SYT1: variants seen among roughly 807,000 people sequenced by gnomAD.
SYT1 encodes the protein synaptotagmin 1.
In SYT1, 8 loss-of-function variants were observed where a neutral mutation model predicts 44.8. The observed-to-expected ratio is 0.18, with a 90% confidence interval of 0.10 to 0.32. SYT1 has a LOEUF of 0.32. Ranked by LOEUF, SYT1 falls within the 10% of genes least tolerant of loss-of-function variation. The pLI is 1.00. For missense variants in SYT1, 286 were observed against 509.3 expected (o/e 0.56, Z 4.22); for synonymous variants, 154 against 188.8 (o/e 0.82, Z 1.51).
At chr12:79,411,844 T>A (rs1868454270) in intron 9 of SYT1, among the ~76,000 whole-genome samples, 1 of 152,030 alleles carries the variant, frequency 6.6e-6, no homozygotes, top group Non-Finnish European at 1.5e-5. Flanking sequence ...ATTTTTAACC[T>A]CTTTTTTTTT....
At chr12:78,904,402 T>A (rs1875839998) in intron 1 of SYT1, among the ~76,000 whole-genome samples, 1 of 152,140 alleles carries the variant, frequency 6.6e-6, no homozygotes, top group Non-Finnish European at 1.5e-5. Context: ...AAGTATTCAA[T>A]GAGCACCTAC....
At chr12:79,005,813 C>G (rs531756481) in intron 2 of SYT1, among the ~76,000 whole-genome samples, 2 of 152,080 alleles carry the variant, frequency 1.3e-5, no homozygotes, top group Non-Finnish European at 2.9e-5. Context: ...AAGTTGAGAA[C>G]TGGTCCCATT....
chr12:79,254,320 A>T (rs1052201461), intron 4 of SYT1, among the ~76,000 whole-genome samples: 1 of 152,208 alleles, frequency 6.6e-6, no homozygotes, highest in African/African-American at 2.4e-5. Flanking sequence ...TATAAATGGA[A>T]CAACAAAGCT....
intron 8 of SYT1, among the ~76,000 whole-genome samples, chr12:79,344,464 T>A (rs1055505357): frequency 3.3e-5 from 5 of 152,140 alleles, no homozygotes; most frequent in Non-Finnish European, 7.3e-5. Flanking sequence ...TGTTTGTTTT[T>A]GTTATTGAGA....
intron 1 of SYT1, among the ~76,000 whole-genome samples, chr12:78,937,933 C>T (rs1008163854): frequency 6.6e-5 from 10 of 152,086 alleles, no homozygotes; most frequent in Admixed American, 3.9e-4. Flanking sequence ...TACTTGGGGA[C>T]GAGCAGATGT....
intron 3 of SYT1, among the ~76,000 whole-genome samples, chr12:79,148,839 T>C (rs753473477): frequency 1.3e-5 from 2 of 152,186 alleles, no homozygotes; most frequent in Non-Finnish European, 2.9e-5. Flanking sequence ...ATATTCGAGA[T>C]TACCGATTGG....
chr12:79,267,475 T>C (rs1227313937), intron 4 of SYT1, among the ~76,000 whole-genome samples: 1 of 152,134 alleles, frequency 6.6e-6, no homozygotes, highest in Non-Finnish European at 1.5e-5. Flanking sequence ...TTGTGAAGTC[T>C]TCTAACGTAA....
chr12:79,175,128 G>A (rs1871779042), intron 3 of SYT1, among the ~76,000 whole-genome samples: 1 of 132,696 alleles, frequency 7.5e-6, no homozygotes, highest in Non-Finnish European at 1.8e-5. Flanking sequence ...ACATGATTTA[G>A]CCTGTCCTCT....
At chr12:79,394,729 A>G (rs973307471) in intron 9 of SYT1, among the ~76,000 whole-genome samples, 1 of 152,222 alleles carries the variant, frequency 6.6e-6, no homozygotes, top group African/African-American at 2.4e-5. Flanking sequence ...TTCATCAAAA[A>G]CAGGTTTCTA....
At chr12:79,008,622 G>A (rs1008128331) in intron 2 of SYT1, among the ~76,000 whole-genome samples, 4 of 152,102 alleles carry the variant, frequency 2.6e-5, no homozygotes, top group Non-Finnish European at 5.9e-5. Context: ...ACTTTTTGGA[G>A]ACAGAATAGA....
chr12:79,179,109 G>T (rs188535563), intron 3 of SYT1, among the ~76,000 whole-genome samples: 23 of 94,602 alleles, frequency 2.4e-4, no homozygotes, highest in African/African-American at 9.2e-4. Flanking sequence ...TAGATATATA[G>T]ATATAGATAT....
chr12:79,126,962 G>C (rs1423810669), intron 3 of SYT1, among the ~76,000 whole-genome samples: 4 of 152,208 alleles, frequency 2.6e-5, no homozygotes, highest in Non-Finnish European at 5.9e-5. Flanking sequence ...ACATTGGTGA[G>C]AGACTCCTAT....
intron 3 of SYT1, among the ~76,000 whole-genome samples, chr12:79,178,635 G>T: frequency 6.6e-6 from 1 of 151,600 alleles, no homozygotes; most frequent in East Asian, 1.9e-4. Flanking sequence ...GGTGGACAGG[G>T]CTATATTTTT....
chr12:79,180,204 A>AC (rs1219190493), intron 3 of SYT1, among the ~76,000 whole-genome samples: 1 of 68,730 alleles, frequency 1.5e-5, no homozygotes, highest in East Asian at 2.5e-4. Context: ...CCAAACCATT[A>AC]TTTCTTTGAA....
chr12:78,971,825 A>AT (rs1868404430), intron 1 of SYT1, among the ~76,000 whole-genome samples: 1 of 152,152 alleles, frequency 6.6e-6, no homozygotes, highest in Non-Finnish European at 1.5e-5. Context: ...TACTTCAACT[A>AT]TACTACTAAT....
chr12:79,337,303 G>A (rs1251098245), intron 8 of SYT1, among the ~76,000 whole-genome samples: 2 of 152,188 alleles, frequency 1.3e-5, no homozygotes, highest in African/African-American at 4.8e-5. Flanking sequence ...TCCCTGACAA[G>A]AAGGAAAACT....
At chr12:78,903,754 T>A (rs924328353) in intron 1 of SYT1, among the ~76,000 whole-genome samples, 2 of 152,226 alleles carry the variant, frequency 1.3e-5, no homozygotes, top group South Asian at 2.1e-4. Flanking sequence ...ATATTCTGAA[T>A]ATTTAATAGG....
intron 9 of SYT1, among the ~76,000 whole-genome samples, chr12:79,367,674 T>A (rs1159960297): frequency 6.6e-6 from 1 of 151,962 alleles, no homozygotes; most frequent in Non-Finnish European, 1.5e-5. Flanking sequence ...GTGCCCATCT[T>A]GGCATTTCAA....
intron 1 of SYT1, among the ~76,000 whole-genome samples, chr12:78,891,124 C>G (rs972331915): frequency 2.6e-5 from 4 of 151,918 alleles, no homozygotes; most frequent in African/African-American, 9.6e-5. Context: ...TTTCATCTAT[C>G]AGATCATTAG....
Sources: gnomAD v4.1 joint callset for allele counts (sites outside exome capture counted in the v4.1 genomes callset) on GRCh38, gnomAD v4.1.1 for gene constraint, MANE v1.5 for transcripts, NCBI Gene and HGNC (gene_info 2026-07-23, HGNC 2026-07-21) for gene names.